The following PLA2G4B variants were observed in gnomAD, a reference collection of about 807,000 sequenced individuals.
PLA2G4B encodes cytosolic phospholipase A2 beta.
In PLA2G4B, 122 loss-of-function variants were observed where a neutral mutation model predicts 95.8. The ratio of observed to expected loss-of-function variants is 1.27; its 90% confidence interval spans 1.10 to 1.48. The LOEUF is 1.48. PLA2G4B is among the 40% of genes most tolerant of loss of function. The pLI, the probability that PLA2G4B is intolerant of heterozygous loss-of-function variation, is 0.00. For missense variants in PLA2G4B, 1,158 were observed against 996.2 expected (o/e 1.16, Z -2.19); for synonymous variants, 518 against 421.5 (o/e 1.23, Z -2.80).
intron 14 of PLA2G4B, 88 bp downstream of exon 14, chr15:41,845,408 A>G (rs2065519985): frequency 6.6e-7 from 1 of 1,518,190 alleles, no homozygotes; most frequent in Admixed American, 1.8e-5. Context: ...CAGATGTCAC[A>G]CCCACCTCTC....
chr15:41,844,496 C>A lies in PLA2G4B; in HGVS notation c.905C>A (p.Thr302Asn), dbSNP rs778818737. The A allele has an allele frequency of 6.2e-7, 1 of 1,614,182 alleles. No homozygotes were observed. The highest frequency in any genetic ancestry group is 8.5e-7 in the Non-Finnish European group (1 of 1,180,030). ...DEIPVVAIMA[T>N]GGGIRAMTSL... The stretch of plus-strand genomic sequence containing the variant: ...ATCCCAGTGGTAGCTATTATGGCCA[C>A]TGGTGGTGGGATCCGGGCAATGACT... The change falls in exon 12 of 20, where the codon ACT (threonine) becomes AAT (asparagine). Residue 302 changes from threonine to asparagine, a missense_variant. Thr to Asn is a moderately conservative substitution (Grantham distance 65, BLOSUM62 0). Coordinates refer to ENST00000458483, the MANE Select transcript of PLA2G4B (RefSeq NM_001114633.2).
intron 8 of PLA2G4B, 43 bp from the exon 9 acceptor site, chr15:41,842,150 G>A (rs774655573): frequency 5.6e-6 from 9 of 1,610,658 alleles, no homozygotes; most frequent in Non-Finnish European, 7.6e-6. Flanking sequence ...GCTAGGAGTG[G>A]AAGCGTAAAG....
Position 41,841,897 on chromosome 15 carries a change from TC to T in PLA2G4B, c.571del (p.Arg191AlafsTer12), listed in dbSNP as rs1407152977. On this transcript the variant is annotated frameshift_variant, in exon 8 of 20. Coordinates refer to ENST00000458483, the MANE Select transcript of PLA2G4B (RefSeq NM_001114633.2). LOFTEE classifies it high-confidence loss of function. ...GAGGCCTCTGTGGGCACTGGCACCT[TC>T]CGCTTCCACTGCCCAGCCTGCTGGG... ...PQEASVGTGT[F>X]RFHCPACWEQ... 2 of 1,613,272 alleles carry T rather than the reference TC, an allele frequency of 1.2e-6. No homozygotes were observed. Among genetic ancestry groups the T allele is most frequent in the Non-Finnish European group, 1.7e-6 (2 of 1,179,916 alleles).
chr15:41,841,327 G>T, intron 6 of PLA2G4B, 54 bp downstream of exon 6: 1 of 1,611,424 alleles, frequency 6.2e-7, no homozygotes. Flanking sequence ...ACTCCCTCAT[G>T]CCAGCGACTT....
chr15:41,846,556 TG>T, intron 17 of PLA2G4B, 112 bp from the exon 18 acceptor site: 1 of 1,512,682 alleles, frequency 6.6e-7, no homozygotes, highest in Non-Finnish European at 8.9e-7. Context: ...TGCAGGGCTG[TG>T]GGGGTGTTGG....
Position 41,844,890 on chromosome 15 carries a change from G to A in PLA2G4B, c.1059G>A (p.Lys353=). 1 of 1,611,294 alleles carries A rather than the reference G, an allele frequency of 6.2e-7. No homozygotes were observed. Among genetic ancestry groups the A allele is most frequent in the East Asian group, 2.2e-5 (1 of 44,810 alleles). The stretch of plus-strand genomic sequence containing the variant: ...ATGAGGACCCAGAGTGGTCTCAGAA[G>A]GACCTGGCAGGGCCCACTGAGTTGC... ...NLYEDPEWSQ[K]DLAGPTELLK... Residue 353 remains lysine, a synonymous_variant, in exon 13 of 20, where the codon AAG becomes AAA. Coordinates refer to ENST00000458483, the MANE Select transcript of PLA2G4B (RefSeq NM_001114633.2).
chr15:41,845,943 G>T lies in PLA2G4B; in HGVS notation c.1496G>T (p.Gly499Val), dbSNP rs1289646705. 2.6e-6 allele frequency: 4 copies of T among 1,514,778 alleles called. No individual in the cohort carries two copies. The highest frequency in any genetic ancestry group is 3.5e-6 in the Non-Finnish European group (4 of 1,132,018). 93.8% of individuals were successfully genotyped at this position (1,514,778 alleles called of 1,614,324 possible). The change falls in exon 16 of 20, where the codon GGT (glycine) becomes GTT (valine). Residue 499 changes from glycine (G) to valine (V), a missense_variant and splice_region_variant. Physicochemically the swap from Gly to Val is moderately radical, Grantham distance 109 (BLOSUM62 -3). Coordinates refer to ENST00000458483, the MANE Select transcript of PLA2G4B (RefSeq NM_001114633.2). The part of the protein sequence containing the change: ...LPESRICFLE[G>V]IWSNLYAANL... Reference sequence around the variant, plus strand: ...TCTTCCCTCACGGCCGCTCTTTCAGGTATCTGGAGCAACCTGTATGCAGCC... The same window carrying T: ...TCTTCCCTCACGGCCGCTCTTTCAGTTATCTGGAGCAACCTGTATGCAGCC...
chr15:41,841,087 G>C lies in PLA2G4B; in HGVS notation c.384G>C (p.Leu128=). The change falls in exon 5 of 20, where the codon CTG becomes CTC. Residue 128 remains leucine (L), a synonymous_variant. Coordinates refer to ENST00000458483, the MANE Select transcript of PLA2G4B (RefSeq NM_001114633.2). ...GGCGCCTGGAAGTTGAATTTCGCCT[G>C]CAGAGTCTGTGAGTCAGGGGCCTGG... The part of the protein sequence containing the change: ...GEGRLEVEFR[L]QSLADRGEWL... 1 of 1,594,014 alleles carries C rather than the reference G, an allele frequency of 6.3e-7. No homozygotes were observed. Among genetic ancestry groups the C allele is most frequent in the Non-Finnish European group, 8.6e-7 (1 of 1,166,790 alleles).
At position 41,846,002 on chromosome 15, in the gene PLA2G4B, C is replaced by T. The variant is rs1219409079; in HGVS notation, c.1555C>T (p.Pro519Ser). The part of the protein sequence containing the change: ...LQDSLYWASE[P>S]SQFWDRWVRN... ...GGACAGCTTATACTGGGCCTCAGAG[C>T]CCAGCCAGTTCTGGGACCGCTGGGT... Residue 519 changes from proline (P) to serine (S), a missense_variant, in exon 16 of 20, where the codon CCC (proline) becomes TCC (serine). Transcript: ENST00000458483. The T allele has an allele frequency of 1.3e-6, 2 of 1,526,834 alleles. No homozygotes were observed. Among genetic ancestry groups the T allele is most frequent in the East Asian group, 2.3e-5 (1 of 44,126 alleles). The allele number at this position is 1,526,834 out of a possible 1,614,324, so 94.6% of individuals were successfully genotyped here.
intron 2 of PLA2G4B, 90 bp downstream of exon 2, chr15:41,840,320 C>T (rs922590784): frequency 1.2e-5 from 19 of 1,581,448 alleles, no homozygotes; most frequent in Admixed American, 3.4e-5. Flanking sequence ...TTGGTGGAGG[C>T]GGGTGGGCCG....
intron 18 of PLA2G4B, 32 bp from the exon 19 acceptor site, chr15:41,847,305 T>C: frequency 3.2e-6 from 5 of 1,567,284 alleles, no homozygotes; most frequent in Non-Finnish European, 4.3e-6. Context: ...AGGGGCCCTG[T>C]CCCTCTGAAG....
chr15:41,841,683 G>T, intron 7 of PLA2G4B, 112 bp downstream of exon 7: 1 of 1,568,718 alleles, frequency 6.4e-7, no homozygotes, highest in South Asian at 1.2e-5. Flanking sequence ...CCTTCTCGGG[G>T]GACTGTGGTG....
chr15:41,842,520 G>C, intron 9 of PLA2G4B, 34 bp from the exon 10 acceptor site: 2 of 1,611,466 alleles, frequency 1.2e-6, no homozygotes, highest in Non-Finnish European at 1.7e-6. Context: ...GGAGGTGGCC[G>C]ACCTTTTGTG....
intron 7 of PLA2G4B, 31 bp downstream of exon 7, chr15:41,841,602 G>A: frequency 6.2e-7 from 1 of 1,613,798 alleles, no homozygotes; most frequent in Non-Finnish European, 8.5e-7. Context: ...GACAGCCCCT[G>A]GCTCTCAGCT....
chr15:41,846,067 C>G lies in PLA2G4B; in HGVS notation c.1600+20C>G, dbSNP rs767749040. On this transcript the variant is annotated intron_variant, in intron 16 of 19. Transcript: ENST00000458483. ...ACCTGGGTAAGTGCTCCGGGCCCTT[C>G]ATAAGGGTGCCAAGGGGCAGCCAGC... 6.4e-7 allele frequency: 1 copy of G among 1,571,480 alleles called. No homozygotes were observed. Among genetic ancestry groups the G allele is most frequent in the Non-Finnish European group, 8.6e-7 (1 of 1,156,722 alleles).
At chr15:41,840,252 C>T (rs369389884) in intron 2 of PLA2G4B, 22 bp downstream of exon 2, 1 of 1,612,000 alleles carries the variant, frequency 6.2e-7, no homozygotes, top group African/African-American at 1.3e-5. Flanking sequence ...CCGCCCTGGC[C>T]CCTGTGCTGG....
Position 41,844,098 on chromosome 15 carries a change from T to G in PLA2G4B, c.879+287T>G, listed in dbSNP as rs578067902. 5.3e-5 allele frequency among the ~76,000 whole-genome samples: 8 copies of G among 152,330 alleles called. No individual in the cohort carries two copies. In the East Asian group the frequency reaches 1.4e-3, roughly 26 times the overall value. On this transcript the variant is annotated intron_variant, in intron 11 of 19. Coordinates refer to ENST00000458483, the MANE Select transcript of PLA2G4B (RefSeq NM_001114633.2). ...GGAGACAGATATCTGGTATGAGGCC[T>G]GTTGGCCCAGGGTGCTTCAGGAGGT...
At chr15:41,845,162 C>T in intron 13 of PLA2G4B, 41 bp from the exon 14 acceptor site, 1 of 1,612,738 alleles carries the variant, frequency 6.2e-7, no homozygotes, top group East Asian at 2.2e-5. Flanking sequence ...CCCTGGGCAC[C>T]CAGGCCGCTG....
At chr15:41,844,018 T>C (rs2065485986) in intron 11 of PLA2G4B, among the ~76,000 whole-genome samples, 2 of 152,176 alleles carry the variant, frequency 1.3e-5, no homozygotes, top group East Asian at 1.9e-4. Context: ...AGCTACCTCA[T>C]AGGGCTGGCT....
Sources: gnomAD v4.1 joint callset for allele counts (sites outside exome capture counted in the v4.1 genomes callset) on GRCh38, gnomAD v4.1.1 for gene constraint, MANE v1.5 for transcripts, NCBI Gene and HGNC (gene_info 2026-07-23, HGNC 2026-07-21) for gene names.